Variants in CILK1 observed in about 807,000 individuals in gnomAD.
CILK1 encodes the protein serine/threonine-protein kinase ICK.
A neutral mutation model predicts 79.2 loss-of-function variants in CILK1; 47 were observed. The ratio of observed to expected loss-of-function variants is 0.59; its 90% CI spans 0.47 to 0.76. The LOEUF (loss-of-function observed/expected upper bound fraction) is 0.76. CILK1 is among the 30% of genes least tolerant of loss of function. CILK1 has a pLI of 0.00. For synonymous variants in CILK1, 266 were observed against 275.9 expected (o/e 0.96, Z 0.36); for missense variants, 660 against 769.5 (o/e 0.86, Z 1.68).
intron 12 of CILK1, among the ~76,000 whole-genome samples, chr6:53,008,525 A>C (rs1464842524): frequency 6.6e-6 from 1 of 151,900 alleles, no homozygotes; most frequent in Non-Finnish European, 1.5e-5. Flanking sequence ...TCCCAGGTTC[A>C]AGTGATATCC....
Position 53,041,200 on chromosome 6 carries a change from C to T in CILK1, c.37G>A (p.Gly13Arg), listed in dbSNP as rs772147861. 9.3e-6 allele frequency: 15 copies of T among 1,613,992 alleles called. No individual in the cohort carries two copies. The highest frequency in any genetic ancestry group is 1.3e-5 in the Non-Finnish European group (15 of 1,179,914). ...RYTTIRQLGD[G>R]TYGSVLLGRS... is the part of the protein sequence containing the mutation. Reference sequence around the variant, plus strand: ...CCCAGCAGGACGGAACCGTAGGTTCCATCCCCGAGCTGCCTGATTGTTGTG... The same window carrying T: ...CCCAGCAGGACGGAACCGTAGGTTCTATCCCCGAGCTGCCTGATTGTTGTG... The change falls in exon 2 of 14, where the codon GGA (glycine) becomes AGA (arginine). Residue 13 changes from glycine to arginine, a missense_variant. Gly to Arg is a moderately radical substitution (Grantham distance 125, BLOSUM62 -2). Transcript: ENST00000676107.
chr6:53,004,998 A>G lies in CILK1; in HGVS notation c.*151T>C, dbSNP rs1459688003. On this transcript the variant is annotated 3_prime_UTR_variant, in exon 14 of 14. Coordinates refer to ENST00000676107, the MANE Select transcript of CILK1 (RefSeq NM_014920.5). The stretch of plus-strand genomic sequence containing the variant: ...AATATTTTAAAAAAAAACTTTAAAA[A>G]AGAATATTGACATGTCTTAGTTCAG... 1.2e-6 allele frequency: 1 copy of G among 843,310 alleles called. No homozygotes were observed. The highest frequency in any genetic ancestry group is 2.6e-5 in the East Asian group (1 of 39,036). The allele number at this position is 843,310 out of a possible 1,614,324, so 52.2% of individuals were successfully genotyped here. A position where few individuals can be genotyped will look rare whatever the true frequency, so the allele number is the denominator to read the frequency against.
intron 3 of CILK1, among the ~76,000 whole-genome samples, chr6:53,034,690 A>C (rs998973134): frequency 1.3e-5 from 2 of 152,222 alleles, no homozygotes; most frequent in African/African-American, 4.8e-5. Flanking sequence ...GCTTGCTCTT[A>C]AGAGGCAAAC....
At chr6:53,047,313 T>C (rs1021660212) in intron 1 of CILK1, among the ~76,000 whole-genome samples, 1 of 152,060 alleles carries the variant, frequency 6.6e-6, no homozygotes, top group African/African-American at 2.4e-5. Flanking sequence ...TTGCTTTTGT[T>C]ATTTTTTTGA....
At chr6:53,053,602 CT>C (rs1279940653) in intron 1 of CILK1, among the ~76,000 whole-genome samples, 2 of 152,148 alleles carry the variant, frequency 1.3e-5, no homozygotes, top group Non-Finnish European at 2.9e-5. Flanking sequence ...GGAACCCAGG[CT>C]GACTGTACCA....
At chr6:53,049,415 T>C (rs1200825337) in intron 1 of CILK1, among the ~76,000 whole-genome samples, 1 of 152,262 alleles carries the variant, frequency 6.6e-6, no homozygotes, top group African/African-American at 2.4e-5. Context: ...TTCCATTATC[T>C]GCTTCCATTT....
At position 53,031,160 on chromosome 6, in the gene CILK1, G is replaced by A; in HGVS notation, c.279-16C>T. ...CAACTTATTTCTGTATGAGGCAGAG[G>A]AAAACAAAGTTATAAATCAAAGGCC... On this transcript the variant is annotated splice_polypyrimidine_tract_variant and intron_variant, in intron 4 of 13. Coordinates refer to ENST00000676107, the MANE Select transcript of CILK1 (RefSeq NM_014920.5). The A allele has an allele frequency of 6.6e-7, 1 of 1,519,376 alleles. No individual in the cohort carries two copies. Among genetic ancestry groups the A allele is most frequent in the Non-Finnish European group, 9.1e-7 (1 of 1,094,968 alleles). 94.1% of individuals were successfully genotyped at this position (1,519,376 alleles called of 1,614,324 possible).
intron 13 of CILK1, among the ~76,000 whole-genome samples, chr6:53,005,731 T>C (rs1478405126): frequency 6.6e-6 from 1 of 152,282 alleles, no homozygotes; most frequent in Middle Eastern, 3.4e-3. Flanking sequence ...TGAGGGAGCC[T>C]GTGGAGATGG....
At chr6:53,049,088 C>T (rs1453744450) in intron 1 of CILK1, among the ~76,000 whole-genome samples, 1 of 152,200 alleles carries the variant, frequency 6.6e-6, no homozygotes, top group East Asian at 1.9e-4. Context: ...AGGTTGAGTC[C>T]TTGATGACAT....
chr6:53,040,407 A>G (rs1194277406), intron 2 of CILK1, among the ~76,000 whole-genome samples: 7 of 152,244 alleles, frequency 4.6e-5, no homozygotes, highest in Admixed American at 1.3e-4. Context: ...AGATGCCCAC[A>G]TGGCAAGGAA....
rs570479403 is a variant in CILK1, at chr6:53,061,761, C to A, written c.-338G>T. ...GCGAGGTCCGGCGAGTCGCACGGGC[C>A]GCACGGCGCATGGTAGTGCAGCAGG... On this transcript the variant is annotated 5_prime_UTR_variant, in exon 1 of 14. Transcript: ENST00000676107. 6.6e-6 allele frequency: 1 copy of A among 152,324 alleles called. No individual in the cohort carries two copies. Among genetic ancestry groups the A allele is most frequent in the South Asian group, 2.1e-4 (1 of 4,840 alleles). The allele number at this position is 152,324 out of a possible 1,614,324, so 9.4% of individuals were successfully genotyped here.
At chr6:53,024,513 G>A (rs1247828521) in intron 5 of CILK1, among the ~76,000 whole-genome samples, 2 of 152,202 alleles carry the variant, frequency 1.3e-5, no homozygotes, top group African/African-American at 4.8e-5. Flanking sequence ...AGGCCTGATT[G>A]TGTGTTTCCA....
rs76657951 is a variant in CILK1, at chr6:53,022,455, C to T, written c.359-3096G>A. ...CTATAGTATTCAGTACAGTAACATG[C>T]TGTAGAGGCTTACAGTCTAGGAACA... On this transcript the variant is annotated intron_variant, in intron 5 of 13. Coordinates refer to ENST00000676107, the MANE Select transcript of CILK1 (RefSeq NM_014920.5). Among the ~76,000 whole-genome samples, 740 of 152,300 alleles carry T rather than the reference C, an allele frequency of 4.9e-3. 41 individuals are homozygous for T. The East Asian group carries it at 0.11, about 23-fold the overall frequency.
intron 5 of CILK1, among the ~76,000 whole-genome samples, chr6:53,019,564 T>C (rs1010420451): frequency 2.6e-5 from 4 of 152,244 alleles, no homozygotes; most frequent in African/African-American, 9.6e-5. Context: ...TTGCAAATCA[T>C]TCAAAGGTGT....
chr6:53,059,973 T>C (rs191237534), intron 1 of CILK1, among the ~76,000 whole-genome samples: 42 of 152,210 alleles, frequency 2.8e-4, no homozygotes, highest in African/African-American at 9.6e-4. Flanking sequence ...GATTAGAATA[T>C]AGAAGGAGGG....
In CILK1 at chr6:53,019,369, C is replaced by G. The variant is rs1765081915; in HGVS notation, c.359-10G>C. 6.2e-7 allele frequency: 1 copy of G among 1,613,886 alleles called. No homozygotes were observed. On this transcript the variant is annotated splice_polypyrimidine_tract_variant and intron_variant, in intron 5 of 13. Coordinates refer to ENST00000676107, the MANE Select transcript of CILK1 (RefSeq NM_014920.5). ...TCTCGATGAAAGAAGCCTATAGAGA[C>G]AGTAGAGGAGAAGAAATCCAAATGC...
chr6:53,050,225 G>T (rs1306709661), intron 1 of CILK1, among the ~76,000 whole-genome samples: 1 of 151,934 alleles, frequency 6.6e-6, no homozygotes, highest in East Asian at 1.9e-4. Flanking sequence ...CTGAGTATAT[G>T]ACATTAGCAT....
chr6:53,054,379 A>T (rs145751211), intron 1 of CILK1, among the ~76,000 whole-genome samples: 1 of 152,238 alleles, frequency 6.6e-6, no homozygotes, highest in African/African-American at 2.4e-5. Context: ...CACTTGCAGT[A>T]GCAAGTCCTC....
chr6:53,020,908 T>G (rs987562132), intron 5 of CILK1, among the ~76,000 whole-genome samples: 1 of 152,198 alleles, frequency 6.6e-6, no homozygotes, highest in Non-Finnish European at 1.5e-5. Flanking sequence ...CAAAACCACT[T>G]TTGTCCTCTC....
Sources: gnomAD v4.1 joint callset for allele counts (sites outside exome capture counted in the v4.1 genomes callset) on GRCh38, gnomAD v4.1.1 for gene constraint, MANE v1.5 for transcripts, NCBI Gene and HGNC (gene_info 2026-07-23, HGNC 2026-07-21) for gene names.